IL1RAPL2: variants seen among roughly 807,000 people sequenced by gnomAD.
IL1RAPL2 encodes the protein X-linked interleukin-1 receptor accessory protein-like 2.
In IL1RAPL2, 3 loss-of-function variants were observed where a neutral mutation model predicts 44.1. The ratio of observed to expected loss-of-function variants is 0.07; its 90% CI spans 0.03 to 0.18. The LOEUF (loss-of-function observed/expected upper bound fraction) is 0.18. Ranked by LOEUF, IL1RAPL2 falls within the 10% of genes least tolerant of loss-of-function variation. IL1RAPL2 has a pLI of 1.00. For missense variants in IL1RAPL2, 391 were observed against 496.4 expected (o/e 0.79, Z 2.02); for synonymous variants, 181 against 178.8 (o/e 1.01, Z -0.10).
intron 6 of IL1RAPL2, among the ~76,000 whole-genome samples, chrX:105,582,523 CAT>C (rs1390662690): frequency 2.7e-5 from 3 of 110,739 alleles, no homozygotes; most frequent in African/African-American, 6.5e-5. Context: ...TATAAAATAA[CAT>C]GTTTTATTAA....
chrX:105,000,908 C>G (rs2030839986), intron 2 of IL1RAPL2, among the ~76,000 whole-genome samples: 1 of 111,243 alleles, frequency 9.0e-6, no homozygotes, highest in African/African-American at 3.3e-5. Flanking sequence ...TGCCTTCAGC[C>G]TCCATAAATG....
intron 2 of IL1RAPL2, among the ~76,000 whole-genome samples, chrX:104,891,399 A>G (rs1178569798): frequency 8.9e-6 from 1 of 111,952 alleles, no homozygotes; most frequent in African/African-American, 3.2e-5. Context: ...CAGTATTGCC[A>G]TTTTCACAAT....
intron 2 of IL1RAPL2, among the ~76,000 whole-genome samples, chrX:104,922,324 T>C (rs1342910882): frequency 8.8e-6 from 1 of 113,064 alleles, no homozygotes; most frequent in African/African-American, 3.2e-5. Flanking sequence ...CAAATATCAC[T>C]GTACAGTGCT....
chrX:105,614,928 A>G (rs1376517792), intron 6 of IL1RAPL2, among the ~76,000 whole-genome samples: 1 of 111,722 alleles, frequency 9.0e-6, no homozygotes, highest in Non-Finnish European at 1.9e-5. Context: ...CAAACTACCC[A>G]TCTGACAAGG....
chrX:105,600,084 A>G (rs957338192), intron 6 of IL1RAPL2, among the ~76,000 whole-genome samples: 4 of 111,196 alleles, frequency 3.6e-5, no homozygotes, highest in African/African-American at 6.5e-5. Flanking sequence ...ATCTTGATAT[A>G]CAAACATATC....
At chrX:105,501,615 C>A (rs1269399325) in intron 6 of IL1RAPL2, among the ~76,000 whole-genome samples, 1 of 110,847 alleles carries the variant, frequency 9.0e-6, no homozygotes, top group Non-Finnish European at 1.9e-5. Context: ...CGAAGTGAGA[C>A]CCTCTTTCAA....
intron 2 of IL1RAPL2, among the ~76,000 whole-genome samples, chrX:104,688,333 T>C (rs933762787): frequency 9.0e-6 from 1 of 111,700 alleles, no homozygotes; most frequent in Non-Finnish European, 1.9e-5. Flanking sequence ...TATCAGGGCC[T>C]TTGATATGTT....
intron 7 of IL1RAPL2, among the ~76,000 whole-genome samples, chrX:105,723,949 AT>A (rs2038329084): frequency 9.0e-6 from 1 of 111,559 alleles, no homozygotes; most frequent in Admixed American, 9.6e-5. Flanking sequence ...CTTTGGGCCC[AT>A]TTAAAAATTG....
At chrX:105,040,675 G>T (rs1384386251) in intron 2 of IL1RAPL2, among the ~76,000 whole-genome samples, 1 of 110,335 alleles carries the variant, frequency 9.1e-6, no homozygotes, top group Non-Finnish European at 1.9e-5. Flanking sequence ...GCGTAGAGGT[G>T]TTTATAGTAT....
At chrX:105,321,921 C>A (rs748014361) in intron 5 of IL1RAPL2, among the ~76,000 whole-genome samples, 1 of 112,915 alleles carries the variant, frequency 8.9e-6, no homozygotes, top group Admixed American at 9.3e-5. Context: ...ATTTTAAACA[C>A]TTAGCAACCA....
chrX:105,334,777 T>G (rs962488028), intron 5 of IL1RAPL2, among the ~76,000 whole-genome samples: 1 of 111,226 alleles, frequency 9.0e-6, no homozygotes, highest in Non-Finnish European at 1.9e-5. Flanking sequence ...AATTATCATC[T>G]TAGTCTTCTC....
chrX:105,497,823 T>C (rs2036366502), intron 6 of IL1RAPL2, among the ~76,000 whole-genome samples: 1 of 111,803 alleles, frequency 8.9e-6, no homozygotes, highest in African/African-American at 3.3e-5. Flanking sequence ...AAGATAAAAA[T>C]CTTTAGAACA....
chrX:105,028,374 G>A (rs1489623866), intron 2 of IL1RAPL2, among the ~76,000 whole-genome samples: 2 of 111,597 alleles, frequency 1.8e-5, no homozygotes, highest in South Asian at 3.7e-4. Context: ...TGCTTGATGG[G>A]ATAGATATCC....
intron 5 of IL1RAPL2, among the ~76,000 whole-genome samples, chrX:105,394,998 C>A (rs1473323876): frequency 9.0e-6 from 1 of 111,450 alleles, no homozygotes; most frequent in Non-Finnish European, 1.9e-5. Flanking sequence ...ATTTTAGTAA[C>A]TAATTGCCTT....
At chrX:105,498,801 ATCCCTTAAACCAAGGG>A (rs937354880) in intron 6 of IL1RAPL2, among the ~76,000 whole-genome samples, 3 of 111,641 alleles carry the variant, frequency 2.7e-5, no homozygotes, top group Admixed American at 9.5e-5. Context: ...GGAAAGGATA[ATCCCTTAAACCAAGGG>A]TCCCCGATCC....
intron 2 of IL1RAPL2, among the ~76,000 whole-genome samples, chrX:104,809,177 T>C (rs1411708879): frequency 1.8e-5 from 2 of 111,801 alleles, no homozygotes; most frequent in Non-Finnish European, 3.8e-5. Flanking sequence ...TCACAAACAC[T>C]TGATGCCTCT....
At chrX:105,354,071 G>T (rs2035180683) in intron 5 of IL1RAPL2, among the ~76,000 whole-genome samples, 1 of 110,852 alleles carries the variant, frequency 9.0e-6, no homozygotes, top group Non-Finnish European at 1.9e-5. Flanking sequence ...CTGTGGGTTT[G>T]TCATAGATAG....
chrX:104,880,212 G>A (rs774302580), intron 2 of IL1RAPL2, among the ~76,000 whole-genome samples: 1 of 111,281 alleles, frequency 9.0e-6, no homozygotes, highest in African/African-American at 3.3e-5. Context: ...AAAAATCTTA[G>A]AATTGGGGAC....
intron 2 of IL1RAPL2, among the ~76,000 whole-genome samples, chrX:105,138,937 C>A (rs753024888): frequency 1.8e-5 from 2 of 111,218 alleles, no homozygotes; most frequent in Non-Finnish European, 3.8e-5. Flanking sequence ...CAGACTTCCA[C>A]AGAGATAAGG....
Sources: gnomAD v4.1 joint callset for allele counts (sites outside exome capture counted in the v4.1 genomes callset) on GRCh38, gnomAD v4.1.1 for gene constraint, MANE v1.5 for transcripts, NCBI Gene and HGNC (gene_info 2026-07-23, HGNC 2026-07-21) for gene names.